Variants in ASH1L observed in about 807,000 individuals in gnomAD.
ASH1L encodes ASH1 like histone lysine methyltransferase, also known as histone-lysine N-methyltransferase ASH1L.
A neutral mutation model predicts 269.0 loss-of-function variants in ASH1L; 23 were observed. That is an observed-to-expected ratio of 0.09 (90% CI 0.06 to 0.12). The LOEUF is 0.12. ASH1L is among the 10% of genes least tolerant of loss of function. The pLI is 1.00. For synonymous variants in ASH1L, 1,187 were observed against 1,253.5 expected (o/e 0.95, Z 1.12); for missense variants, 2,912 against 3,567.8 (o/e 0.82, Z 4.68).
rs1462431804 is a variant in ASH1L, at chr1:155,370,527, G to A, written c.6663C>T (p.Asp2221=). The change falls in exon 12 of 28, where the codon GAC becomes GAT. Residue 2221 remains aspartate, a synonymous_variant. Coordinates refer to ENST00000392403, the MANE Select transcript of ASH1L (RefSeq NM_018489.3). ...ACCATTTCTGCATTTCACAATTTGG[G>A]TCACAGCTATGGTTGATGAATCGGG... ...NEARFINHSC[D]PNCEMQKWSV... 1 of 1,614,018 alleles carries A rather than the reference G, an allele frequency of 6.2e-7. No individual in the cohort carries two copies. Among genetic ancestry groups the A allele is most frequent in the East Asian group, 2.2e-5 (1 of 44,890 alleles).
intron 5 of ASH1L, among the ~76,000 whole-genome samples, chr1:155,420,833 G>C (rs1012586372): frequency 5.4e-4 from 71 of 130,554 alleles, no homozygotes; most frequent in Non-Finnish European, 8.9e-4. Context: ...CTAGGTGACA[G>C]AGCAAGGCTC....
In ASH1L at chr1:155,336,621, G is replaced by A. The variant is rs1282448498; in HGVS notation, c.*1039C>T. The A allele has an allele frequency of 6.6e-6, 1 of 152,648 alleles. No homozygotes were observed. The highest frequency in any genetic ancestry group is 1.5e-5 in the Non-Finnish European group (1 of 68,012). 9.5% of individuals were successfully genotyped at this position (152,648 alleles called of 1,614,324 possible). A position where few individuals can be genotyped will look rare whatever the true frequency, so the allele number is the denominator to read the frequency against. ...GATGTCATTCAGGAGGGTGAGGGAAGATGGGCTAGGGGTGAAGAGAAATAT... is the reference window on the plus strand; with the variant it reads ...GATGTCATTCAGGAGGGTGAGGGAAAATGGGCTAGGGGTGAAGAGAAATAT... On this transcript the variant is annotated 3_prime_UTR_variant, in exon 28 of 28. Coordinates refer to ENST00000392403, the MANE Select transcript of ASH1L (RefSeq NM_018489.3).
rs759162526 is a variant in ASH1L at position 155,479,988 on chromosome 1, T to A, written c.2882A>T (p.Asp961Val). 1.2e-6 allele frequency: 2 copies of A among 1,613,972 alleles called. No individual in the cohort carries two copies. The highest frequency in any genetic ancestry group is 2.2e-5 in the South Asian group (2 of 91,060). ...SHRPSVCSMS[D>V]LEMEPDKKIT... ...TTTTTTATCTGGTTCCATCTCAAGGTCACTCATACTACAGACACTTGGCCT... is the reference window on the plus strand; with the variant it reads ...TTTTTTATCTGGTTCCATCTCAAGGACACTCATACTACAGACACTTGGCCT... Residue 961 changes from aspartate (D) to valine (V), a missense_variant, in exon 3 of 28, where the codon GAC (aspartate) becomes GTC (valine). Asp to Val is a radical substitution (Grantham distance 152). Around this residue, in one of 13 missense-constraint regions of ASH1L, gnomAD observed 715 missense variants for 721.0 expected, o/e 0.99. Coordinates refer to ENST00000392403, the MANE Select transcript of ASH1L (RefSeq NM_018489.3).
intron 6 of ASH1L, among the ~76,000 whole-genome samples, chr1:155,399,141 TGA>T (rs1026266016): frequency 1.3e-5 from 2 of 152,170 alleles, no homozygotes; most frequent in African/African-American, 4.8e-5. Context: ...TGTTACCACA[TGA>T]GAGGGCAGAT....
intron 3 of ASH1L, among the ~76,000 whole-genome samples, chr1:155,464,526 A>G (rs1167140276): frequency 6.6e-6 from 1 of 152,184 alleles, no homozygotes; most frequent in Non-Finnish European, 1.5e-5. Context: ...GCAAAAAAAA[A>G]AAGTACCTAA....
chr1:155,396,636 C>G (rs1658366539), intron 6 of ASH1L, among the ~76,000 whole-genome samples: 4 of 151,928 alleles, frequency 2.6e-5, no homozygotes, highest in Admixed American at 2.6e-4. Flanking sequence ...TAAGACAAAG[C>G]TGATATATTT....
At chr1:155,473,629 C>A (rs1165891573) in intron 3 of ASH1L, among the ~76,000 whole-genome samples, 2 of 151,472 alleles carry the variant, frequency 1.3e-5, no homozygotes, top group African/African-American at 4.9e-5. Flanking sequence ...CCTGAGTAGC[C>A]AGGACTACAG....
At chr1:155,470,803 C>T (rs557687576) in intron 3 of ASH1L, among the ~76,000 whole-genome samples, 175 of 152,186 alleles carry the variant, frequency 1.1e-3, no homozygotes, top group African/African-American at 4.1e-3. Flanking sequence ...CCACCCACCT[C>T]GGCCTCCCAA....
chr1:155,504,854 CAAAAA>C (rs397860297), intron 2 of ASH1L, among the ~76,000 whole-genome samples: 1 of 77,150 alleles, frequency 1.3e-5, no homozygotes, highest in Non-Finnish European at 2.7e-5. Context: ...AACTCCATCT[CAAAAA>C]AAAAAAAAAA....
At chr1:155,444,168 G>T (rs957940311) in intron 4 of ASH1L, among the ~76,000 whole-genome samples, 3 of 151,852 alleles carry the variant, frequency 2.0e-5, no homozygotes, top group Admixed American at 6.6e-5. Context: ...TTTTAGTAGA[G>T]ATAGAATTTC....
chr1:155,451,486 G>A (rs950978223), intron 4 of ASH1L, among the ~76,000 whole-genome samples: 1 of 151,894 alleles, frequency 6.6e-6, no homozygotes, highest in Non-Finnish European at 1.5e-5. Context: ...CTAGGCAGGC[G>A]CGGTGGCTCA....
chr1:155,411,586 A>AATAAATATGTATATATAT (rs1297131961), intron 6 of ASH1L, among the ~76,000 whole-genome samples: 1 of 55,192 alleles, frequency 1.8e-5, no homozygotes, highest in South Asian at 8.4e-4. Flanking sequence ...TAAATAAATA[A>AATAAATATGTATATATAT]ATATATATAT....
chr1:155,493,058 C>G (rs1666917794), intron 2 of ASH1L, among the ~76,000 whole-genome samples: 1 of 152,182 alleles, frequency 6.6e-6, no homozygotes. Flanking sequence ...CTCAAGTGAT[C>G]TGGCTACCTC....
intron 3 of ASH1L, among the ~76,000 whole-genome samples, chr1:155,466,185 T>C (rs1374763180): frequency 6.6e-6 from 1 of 152,024 alleles, no homozygotes; most frequent in Non-Finnish European, 1.5e-5. Context: ...AAACCCCGTC[T>C]CTACTAAAAA....
Position 155,562,776 on chromosome 1 carries a change from T to C in ASH1L, c.-723A>G, listed in dbSNP as rs1274201507. 2.6e-6 allele frequency: 2 copies of C among 760,854 alleles called. No individual in the cohort carries two copies. 47.1% of individuals were successfully genotyped at this position (760,854 alleles called of 1,614,324 possible). A position where few individuals can be genotyped will look rare whatever the true frequency, so the allele number is the denominator to read the frequency against. On this transcript the variant is annotated 5_prime_UTR_variant, in exon 1 of 28. Transcript: ENST00000392403. Reference sequence around the variant, plus strand: ...CGGCGCCGGCGCAGGCCCTCACGCGTACCTTCAACGGCGCAAGCCCAAGCC... The same window carrying C: ...CGGCGCCGGCGCAGGCCCTCACGCGCACCTTCAACGGCGCAAGCCCAAGCC...
Position 155,486,648 on chromosome 1 carries a change from T to G in ASH1L, c.421-4199A>C, listed in dbSNP as rs1476465327. On this transcript the variant is annotated intron_variant, in intron 2 of 27. Coordinates refer to ENST00000392403, the MANE Select transcript of ASH1L (RefSeq NM_018489.3). ...CATGCCTGTATCAAAACATCTCATG[T>G]ATCCCATAAATACACTATGTATCCA... Among the ~76,000 whole-genome samples the G allele has an allele frequency of 3.3e-5, 5 of 152,178 alleles. No homozygotes were observed. The East Asian group carries it at 9.6e-4, about 29-fold the overall frequency.
chr1:155,385,221 T>C (rs1657328934), intron 7 of ASH1L, among the ~76,000 whole-genome samples: 2 of 152,128 alleles, frequency 1.3e-5, no homozygotes, highest in Admixed American at 1.3e-4. Context: ...GGCGGGCAGA[T>C]CACTTGAGGT....
At chr1:155,550,024 C>G (rs1671087733) in intron 1 of ASH1L, among the ~76,000 whole-genome samples, 2 of 132,814 alleles carry the variant, frequency 1.5e-5, no homozygotes, top group Non-Finnish European at 3.2e-5. Context: ...ATCACGATAG[C>G]CTCTTTTTTT....
At chr1:155,429,702 G>A (rs963120671) in intron 5 of ASH1L, among the ~76,000 whole-genome samples, 1 of 152,118 alleles carries the variant, frequency 6.6e-6, no homozygotes, top group Admixed American at 6.6e-5. Flanking sequence ...AAGAAAAGGG[G>A]TTTACAAACA....
Sources: allele counts gnomAD v4.1 joint callset (sites outside exome capture counted in the v4.1 genomes callset), GRCh38; gene constraint gnomAD v4.1.1; regional missense constraint gnomAD v4.1.1; transcripts MANE v1.5; gene names NCBI Gene and HGNC (gene_info 2026-07-23, HGNC 2026-07-21).